Variants in KCNH7 observed in about 807,000 individuals in gnomAD.
The protein encoded by KCNH7 is potassium voltage-gated channel subfamily H member 7, also known as voltage-gated inwardly rectifying potassium channel KCNH7.
In KCNH7, 49 loss-of-function variants were observed where a neutral mutation model predicts 120.8. The ratio of observed to expected loss-of-function variants is 0.41; its 90% CI spans 0.32 to 0.51. KCNH7 has a LOEUF of 0.51. Ranked by LOEUF, KCNH7 falls within the 20% of genes least tolerant of loss-of-function variation. The pLI, the probability that KCNH7 is intolerant of heterozygous loss-of-function variation, is 0.38. For missense variants in KCNH7, 1,097 were observed against 1,446.6 expected, an observed-to-expected ratio of 0.76 and a Z score of 3.92; for synonymous variants, 547 against 516.1, an observed-to-expected ratio of 1.06 and a Z score of -0.81.
chr2:162,580,562 T>C (rs536478885), intron 2 of KCNH7, among the ~76,000 whole-genome samples: 23 of 152,196 alleles, frequency 1.5e-4, no homozygotes, highest in African/African-American at 4.6e-4. Context: ...TCAATTTTGT[T>C]TGATGCAACT....
At chr2:162,684,029 C>A (rs556085318) in intron 2 of KCNH7, among the ~76,000 whole-genome samples, 38 of 152,114 alleles carry the variant, frequency 2.5e-4, no homozygotes, top group African/African-American at 9.1e-4. Context: ...GAACAGAGGC[C>A]TCAGAAATAA....
intron 6 of KCNH7, among the ~76,000 whole-genome samples, chr2:162,472,596 C>T (rs1689582219): frequency 6.6e-6 from 1 of 152,178 alleles, no homozygotes; most frequent in Non-Finnish European, 1.5e-5. Context: ...ACGACAGGTG[C>T]TGGAGAGGAT....
intron 2 of KCNH7, among the ~76,000 whole-genome samples, chr2:162,730,708 C>G (rs191137568): frequency 6.6e-6 from 1 of 152,114 alleles, no homozygotes; most frequent in African/African-American, 2.4e-5. Context: ...AAGAAACTCA[C>G]TGATTCACCT....
chr2:162,679,455 A>G (rs79600877), intron 2 of KCNH7, among the ~76,000 whole-genome samples: 2,521 of 151,602 alleles, frequency 0.017, 79 homozygotes, highest in African/African-American at 0.058. Context: ...GGATTATTAA[A>G]CCTTTAAAAA....
intron 2 of KCNH7, among the ~76,000 whole-genome samples, chr2:162,653,588 A>G (rs143635077): frequency 0.014 from 2,068 of 152,290 alleles, 57 homozygotes; most frequent in African/African-American, 0.047. Flanking sequence ...AGAAATATAT[A>G]GGGTCAATGC....
chr2:162,735,780 C>T (rs545080568), intron 2 of KCNH7, among the ~76,000 whole-genome samples: 151 of 152,192 alleles, frequency 9.9e-4, no homozygotes, highest in African/African-American at 3.3e-3. Flanking sequence ...GGTGGCCATG[C>T]GATTATTAAA....
chr2:162,475,673 A>G (rs764254398), intron 6 of KCNH7, among the ~76,000 whole-genome samples: 7 of 152,172 alleles, frequency 4.6e-5, no homozygotes, highest in Non-Finnish European at 1.0e-4. Context: ...GCCTTTCACT[A>G]TGTATTATCC....
chr2:162,636,866 C>A (rs1018605855), intron 2 of KCNH7, among the ~76,000 whole-genome samples: 5 of 152,044 alleles, frequency 3.3e-5, no homozygotes, highest in Non-Finnish European at 7.4e-5. Context: ...AGTAATAGAT[C>A]TTGCTTTGTC....
chr2:162,439,151 A>T (rs1331183013), intron 7 of KCNH7, among the ~76,000 whole-genome samples: 1 of 152,068 alleles, frequency 6.6e-6, no homozygotes, highest in Non-Finnish European at 1.5e-5. Context: ...CAATTTTTTG[A>T]TTTTTGAAAA....
chr2:162,474,953 T>C (rs1689684842), intron 6 of KCNH7, among the ~76,000 whole-genome samples: 1 of 152,230 alleles, frequency 6.6e-6, no homozygotes. Flanking sequence ...CTCACGTAAG[T>C]GAGCTCAGAA....
intron 6 of KCNH7, among the ~76,000 whole-genome samples, chr2:162,474,190 G>A (rs1053556326): frequency 1.3e-5 from 2 of 152,170 alleles, no homozygotes; most frequent in Non-Finnish European, 2.9e-5. Flanking sequence ...TTTCCCAGGG[G>A]CATAAAAGTG....
At chr2:162,389,700 C>T (rs562682294) in intron 12 of KCNH7, among the ~76,000 whole-genome samples, 4 of 152,024 alleles carry the variant, frequency 2.6e-5, no homozygotes, top group Admixed American at 6.6e-5. Flanking sequence ...GGCGTTTCCA[C>T]GCAATAAAAC....
intron 2 of KCNH7, among the ~76,000 whole-genome samples, chr2:162,826,328 A>T (rs1414662546): frequency 6.6e-6 from 1 of 152,100 alleles, no homozygotes; most frequent in African/African-American, 2.4e-5. Context: ...TTATGAGAAC[A>T]TGTAGAGATA....
chr2:162,683,881 T>G (rs1192682314), intron 2 of KCNH7, among the ~76,000 whole-genome samples: 2 of 152,056 alleles, frequency 1.3e-5, no homozygotes, highest in African/African-American at 4.8e-5. Flanking sequence ...AGAGCCTGTA[T>G]AGCCAAGACA....
At chr2:162,685,600 G>A (rs764228309) in intron 2 of KCNH7, among the ~76,000 whole-genome samples, 12 of 151,972 alleles carry the variant, frequency 7.9e-5, no homozygotes, top group Non-Finnish European at 4.4e-5. Flanking sequence ...GGTGGTGCTG[G>A]GAGATTTGGT....
At chr2:162,470,465 G>A (rs1419474152) in intron 6 of KCNH7, among the ~76,000 whole-genome samples, 4 of 150,494 alleles carry the variant, frequency 2.7e-5, no homozygotes, top group Admixed American at 6.6e-5. Flanking sequence ...GAGCCCCTCC[G>A]CCCGGCAGCC....
chr2:162,472,416 C>A lies in KCNH7; in HGVS notation c.1129-25973G>T, dbSNP rs1430943746. ...AGAAAAAAACAAACAACCCCATCAACAAGTGGGTAAAGGATATGAACAGAC... is the reference window on the plus strand; with the variant it reads ...AGAAAAAAACAAACAACCCCATCAAAAAGTGGGTAAAGGATATGAACAGAC... On this transcript the variant is annotated intron_variant, in intron 6 of 15. Transcript: ENST00000332142. Among the ~76,000 whole-genome samples, 10 of 152,168 alleles carry A rather than the reference C, an allele frequency of 6.6e-5. No homozygotes were observed. The South Asian group carries it at 2.1e-3, about 32-fold the overall frequency.
At chr2:162,396,492 T>C (rs914172016) in intron 11 of KCNH7, among the ~76,000 whole-genome samples, 11 of 151,858 alleles carry the variant, frequency 7.2e-5, no homozygotes. Context: ...GTGTGGCACC[T>C]AAGGGCTTCT....
intron 2 of KCNH7, among the ~76,000 whole-genome samples, chr2:162,689,806 G>C (rs1229987058): frequency 6.6e-6 from 1 of 152,018 alleles, no homozygotes; most frequent in Non-Finnish European, 1.5e-5. Context: ...ACATTCCAGT[G>C]GTTCTACTTA....
Sources: gnomAD v4.1 joint callset for allele counts (sites outside exome capture counted in the v4.1 genomes callset) on GRCh38, gnomAD v4.1.1 for gene constraint, MANE v1.5 for transcripts, NCBI Gene and HGNC (gene_info 2026-07-23, HGNC 2026-07-21) for gene names.